SMTN: variants seen among roughly 807,000 people sequenced by gnomAD.
SMTN encodes the protein smoothelin.
A neutral mutation model predicts 102.0 loss-of-function variants in SMTN; 58 were observed. That is an observed-to-expected ratio of 0.57 (90% CI 0.46 to 0.71). The LOEUF (loss-of-function observed/expected upper bound fraction) is 0.71, where lower values mean the gene tolerates loss of function less well. SMTN is among the 30% of genes least tolerant of loss of function. The probability of loss-of-function intolerance (pLI) is 0.00; values close to 1 mark genes in which losing one functional copy is unlikely to be tolerated. For synonymous variants in SMTN, 478 were observed against 497.9 expected, an observed-to-expected ratio of 0.96 and a Z score of 0.53; for missense variants, 1,185 against 1,241.7, an observed-to-expected ratio of 0.95 and a Z score of 0.69.
intron 20 of SMTN, chr22:31,102,081 C>T (rs2044138681): frequency 6.6e-6 from 1 of 152,018 alleles, no homozygotes; most frequent in South Asian, 2.1e-4. Context: ...AGGAGCAGGA[C>T]CAGTTCAACA....
At chr22:31,078,795 C>T (rs879272343), upstream of SMTN, among the ~76,000 whole-genome samples, 2 of 152,132 alleles carry the variant, frequency 1.3e-5, no homozygotes, top group Non-Finnish European at 2.9e-5. Flanking sequence ...GGAAGGATTG[C>T]TTGAGCCAGG....
intron 1 of SMTN, among the ~76,000 whole-genome samples, chr22:31,073,969 G>T (rs1006969794): frequency 2.6e-5 from 4 of 152,198 alleles, no homozygotes; most frequent in Non-Finnish European, 5.9e-5. Context: ...GATAGCCCAG[G>T]CTTGTTCACA....
intron 20 of SMTN, chr22:31,103,546 A>C (rs2044260806): frequency 6.6e-6 from 1 of 152,320 alleles, no homozygotes; most frequent in Admixed American, 6.5e-5. Flanking sequence ...GGCTTGAAAC[A>C]AATGGCTCCT....
chr22:31,099,851 C>T lies in SMTN; in HGVS notation c.2558C>T (p.Pro853Leu). Residue 853 changes from proline (P) to leucine (L), a missense_variant, in exon 19 of 21, where the codon CCT becomes CTT. Coordinates refer to ENST00000333137, the MANE Select transcript of SMTN (RefSeq NM_134269.3). Reference sequence around the variant, plus strand: ...GCCTTCGACTATGGGCAGCTTAGCCCTCAGAACCGACGCCAGAACTTCGAG... The same window carrying T: ...GCCTTCGACTATGGGCAGCTTAGCCTTCAGAACCGACGCCAGAACTTCGAG... ...PEAFDYGQLS[P>L]QNRRQNFEVA... The T allele has an allele frequency of 1.2e-6, 2 of 1,614,084 alleles. No homozygotes were observed. Among genetic ancestry groups the T allele is most frequent in the Non-Finnish European group, 1.7e-6 (2 of 1,179,950 alleles).
Position 31,087,961 on chromosome 22 carries a change from G to A in SMTN, c.52-4G>A, listed in dbSNP as rs746367693. ...AAATGACCTGCCTCTCGCACCCACT[G>A]CAGCTGGAGGTCACAGCAGATCTGG... On this transcript the variant is annotated splice_region_variant and splice_polypyrimidine_tract_variant and intron_variant, in intron 2 of 20. Transcript: ENST00000333137. 1 of 1,584,018 alleles carries A rather than the reference G, an allele frequency of 6.3e-7. No homozygotes were observed. The highest frequency in any genetic ancestry group is 1.1e-5 in the South Asian group (1 of 88,636).
Position 31,091,818 on chromosome 22 carries a change from C to G in SMTN, c.1603C>G (p.Pro535Ala), listed in dbSNP as rs756557096. Residue 535 changes from proline to alanine, a missense_variant, in exon 11 of 21, where the codon CCC becomes GCC. Pro to Ala is a conservative substitution (Grantham distance 27). This residue lies in a region of SMTN where 1,096 missense variants were observed against 1,112.7 expected (regional missense o/e 0.98). Coordinates refer to ENST00000333137, the MANE Select transcript of SMTN (RefSeq NM_134269.3). The stretch of plus-strand genomic sequence containing the variant: ...TGTCACCAGCTTCAGCCATGCCCCC[C>G]CCAGTAGCCGAGGAGGCTGCAGCAT... ...THVTSFSHAP[P>A]SSRGGCSIKM... is the part of the protein sequence containing the mutation. The G allele has an allele frequency of 1.2e-6, 2 of 1,601,486 alleles. No individual in the cohort carries two copies. Among genetic ancestry groups the G allele is most frequent in the African/African-American group, 1.3e-5 (1 of 74,480 alleles).
upstream of SMTN, among the ~76,000 whole-genome samples, chr22:31,077,009 C>A (rs1243805826): frequency 6.6e-6 from 1 of 152,156 alleles, no homozygotes; most frequent in Non-Finnish European, 1.5e-5. Flanking sequence ...CGAGTCAAAC[C>A]CCCTCATTTT....
At chr22:31,099,462 C>A in intron 18 of SMTN, 1 of 584,820 alleles carries the variant, frequency 1.7e-6, no homozygotes, top group Non-Finnish European at 3.0e-6. Context: ...CTGTAGGAGG[C>A]CCTGAGTCAA....
chr22:31,080,875 G>A (rs907425898), upstream of SMTN: 1 of 152,294 alleles, frequency 6.6e-6, no homozygotes, highest in African/African-American at 2.4e-5. Context: ...AGGTGGCTCA[G>A]ACCAGGTGTC....
chr22:31,104,137 T>G, intron 20 of SMTN, 179 bp from the exon 21 acceptor site: 1 of 646,882 alleles, frequency 1.5e-6, no homozygotes, highest in Non-Finnish European at 2.6e-6. Context: ...CCCCGAGAGA[T>G]GCCTCCAGGC....
At chr22:31,102,521 G>GCC (rs2147828679) in intron 20 of SMTN, 2 of 152,496 alleles carry the variant, frequency 1.3e-5, no homozygotes, top group Non-Finnish European at 2.9e-5. Flanking sequence ...CTCAGAGAAG[G>GCC]AGCACAGATG....
rs1217304608 is a variant in SMTN, at chr22:31,092,385, C to A, written c.1632+538C>A. ...GAGGGGGGACAGACAGGCAGAGGGG[C>A]GCCAATCAGGTGAGGCAGCAGCCTA... On this transcript the variant is annotated intron_variant, in intron 11 of 20. Coordinates refer to ENST00000333137, the MANE Select transcript of SMTN (RefSeq NM_134269.3). 6.6e-6 allele frequency: 3 copies of A among 455,456 alleles called. 1 individual carries two copies. Among genetic ancestry groups the A allele is most frequent in the South Asian group, 4.7e-5 (3 of 63,814 alleles). The allele number at this position is 455,456 out of a possible 1,614,324, so 28.2% of individuals were successfully genotyped here.
At chr22:31,071,015 A>G (rs1258985913) in intron 1 of SMTN, among the ~76,000 whole-genome samples, 1 of 151,770 alleles carries the variant, frequency 6.6e-6, no homozygotes, top group Non-Finnish European at 1.5e-5. Flanking sequence ...GCAAGGCAGG[A>G]GTATTGCTGA....
intron 1 of SMTN, among the ~76,000 whole-genome samples, chr22:31,075,420 G>A (rs928613830): frequency 3.9e-5 from 6 of 152,068 alleles, no homozygotes; most frequent in Non-Finnish European, 4.4e-5. Flanking sequence ...GGCCAGGCGC[G>A]GTGTAATCCC....
chr22:31,081,795 G>T (rs919475919), intron 1 of SMTN, among the ~76,000 whole-genome samples: 1 of 152,168 alleles, frequency 6.6e-6, no homozygotes, highest in East Asian at 1.9e-4. Flanking sequence ...TAATCCCATG[G>T]GTGTCCTAGA....
chr22:31,084,893 G>T (rs2042560921), intron 2 of SMTN: 1 of 1,206,140 alleles, frequency 8.3e-7, no homozygotes, highest in African/African-American at 1.6e-5. Flanking sequence ...CCCGGCCCCC[G>T]CTGGCCTCGT....
chr22:31,068,538 T>C (rs1269073624), intron 1 of SMTN, among the ~76,000 whole-genome samples: 1 of 152,200 alleles, frequency 6.6e-6, no homozygotes, highest in African/African-American at 2.4e-5. Context: ...TGCTCCCTAA[T>C]TGCAAATTGG....
intron 1 of SMTN, chr22:31,066,960 T>C (rs1297594361): frequency 6.6e-6 from 1 of 152,012 alleles, no homozygotes; most frequent in Non-Finnish European, 1.5e-5. Context: ...TTTGCCATGT[T>C]GCCGAGGCCG....
chr22:31,066,036 G>A (rs2041841433), intron 1 of SMTN: 1 of 151,970 alleles, frequency 6.6e-6, no homozygotes, highest in African/African-American at 2.4e-5. Flanking sequence ...GTCCTCCCTG[G>A]TCTAACTCCC....
Sources: allele counts gnomAD v4.1 joint callset (sites outside exome capture counted in the v4.1 genomes callset), GRCh38; gene constraint gnomAD v4.1.1; regional missense constraint gnomAD v4.1.1; transcripts MANE v1.5; gene names NCBI Gene and HGNC (gene_info 2026-07-23, HGNC 2026-07-21).